RIT1: variants seen among roughly 807,000 people sequenced by gnomAD.
The protein encoded by RIT1 is Ras like without CAAX 1, also known as GTP-binding protein Rit1.
A neutral mutation model predicts 25.6 loss-of-function variants in RIT1; 6 were observed. The ratio of observed to expected loss-of-function variants is 0.23; its 90% CI spans 0.13 to 0.46. The LOEUF (loss-of-function observed/expected upper bound fraction) is 0.46, where lower values mean the gene tolerates loss of function less well. Among genes scored for constraint, RIT1 ranks in the 20% least tolerant of loss-of-function variants. The pLI, the probability that RIT1 is intolerant of heterozygous loss-of-function variation, is 0.99. For synonymous variants in RIT1, 81 were observed against 94.1 expected (o/e 0.86, Z 0.80); for missense variants, 219 against 284.4 (o/e 0.77, Z 1.65).
At chr1:155,911,166 GC>G (rs1673591774) in intron 1 of RIT1, 76 bp downstream of exon 1, 2 of 505,152 alleles carry the variant, frequency 4.0e-6, no homozygotes, top group South Asian at 2.4e-5. Flanking sequence ...CAGAGGTTCC[GC>G]CCCCTCCCCA....
rs1180329053 is a variant in RIT1 at position 155,898,535 on chromosome 1, A to C, written c.*1853T>G. 7.8e-6 allele frequency: 1 copy of C among 127,818 alleles called. No homozygotes were observed. Among genetic ancestry groups the C allele is most frequent in the East Asian group, 2.7e-4 (1 of 3,658 alleles). 7.9% of individuals were successfully genotyped at this position (127,818 alleles called of 1,614,324 possible). A position where few individuals can be genotyped will look rare whatever the true frequency, so the allele number is the denominator to read the frequency against. ...AAAAAAAAAATATATATATATATAT[A>C]TATATATATCTCTTAATGTTAATAA... On this transcript the variant is annotated 3_prime_UTR_variant, in exon 6 of 6. Coordinates refer to ENST00000368323, the MANE Select transcript of RIT1 (RefSeq NM_006912.6).
chr1:155,900,158 T>C lies in RIT1; in HGVS notation c.*230A>G, dbSNP rs1044469862. 15 of 508,132 alleles carry C rather than the reference T, an allele frequency of 3.0e-5. No individual in the cohort carries two copies. The highest frequency in any genetic ancestry group is 2.7e-4 in the African/African-American group (14 of 52,402). 31.5% of individuals were successfully genotyped at this position (508,132 alleles called of 1,614,324 possible). On this transcript the variant is annotated 3_prime_UTR_variant, in exon 6 of 6. Transcript: ENST00000368323. ...AGCGCAACAGAACCCAAAACATTGG[T>C]AGAACAAATTCTAATGTGACAATTT...
chr1:155,910,429 A>G (rs757469760), intron 3 of RIT1, 21 bp downstream of exon 3: 17 of 1,600,372 alleles, frequency 1.1e-5, no homozygotes, highest in Middle Eastern at 1.6e-4. Context: ...ATTTGGAAAC[A>G]TAAGTGATGA....
Position 155,910,817 on chromosome 1 carries a change from G to A in RIT1, c.-43-13C>T, listed in dbSNP as rs1175330313. 3 of 1,613,908 alleles carry A rather than the reference G, an allele frequency of 1.9e-6. No individual in the cohort carries two copies. Among genetic ancestry groups the A allele is most frequent in the Non-Finnish European group, 2.5e-6 (3 of 1,179,888 alleles). ...GAGGAAAAGCCACCTAGAAAAGGAG[G>A]AGGAAATGCTTAATCCAGGATGGAG... On this transcript the variant is annotated splice_polypyrimidine_tract_variant and intron_variant, in intron 1 of 5. Transcript: ENST00000368323.
chr1:155,900,395 AC>A lies in RIT1; in HGVS notation c.652del (p.Val218Ter). On this transcript the variant is annotated frameshift_variant, in exon 6 of 6. Coordinates refer to ENST00000368323, the MANE Select transcript of RIT1 (RefSeq NM_006912.6). LOFTEE classifies it high-confidence loss of function. ...KSPFRKKKDSVT is the reference protein window; with the variant it reads ...KSPFRKKKDSXT Reference sequence around the variant, plus strand: ...ACACTTCACATCTTCTCTTCAAGTTACTGAATCTTTCTTCTTCCGGAATGGT... The same window carrying A: ...ACACTTCACATCTTCTCTTCAAGTTATGAATCTTTCTTCTTCCGGAATGGT... 1.2e-6 allele frequency: 2 copies of A among 1,612,386 alleles called. No individual in the cohort carries two copies. Among genetic ancestry groups the A allele is most frequent in the South Asian group, 2.2e-5 (2 of 91,042 alleles).
Position 155,910,968 on chromosome 1 carries a change from C to CCA in RIT1, c.-43-165_-43-164insTG, listed in dbSNP as rs1324568454. 6 of 1,389,168 alleles carry CCA rather than the reference C, an allele frequency of 4.3e-6. No homozygotes were observed. The Admixed American group carries it at 1.6e-4, about 36-fold the overall frequency. The allele number at this position is 1,389,168 out of a possible 1,614,324, so 86.1% of individuals were successfully genotyped here. A position where few individuals can be genotyped will look rare whatever the true frequency, so the allele number is the denominator to read the frequency against. On this transcript the variant is annotated intron_variant, in intron 1 of 5. Transcript: ENST00000368323. ...CTTTCGGGTGGCCCTAAGAAACCCC[C>CCA]CCATCTTCACCCTCCCTCCTAGACA...
chr1:155,900,626 G>A lies in RIT1; in HGVS notation c.430-8C>T. 1 of 1,608,562 alleles carries A rather than the reference G, an allele frequency of 6.2e-7. No individual in the cohort carries two copies. The highest frequency in any genetic ancestry group is 1.1e-5 in the South Asian group (1 of 90,704). ...TCCTTCTTCCTTGGTGACCTTTAAG[G>A]GCAAAATGTGAGAAAAGATAACAGT... On this transcript the variant is annotated splice_region_variant and splice_polypyrimidine_tract_variant and intron_variant, in intron 5 of 5. Transcript: ENST00000368323.
intron 1 of RIT1, 197 bp from the exon 2 acceptor site, chr1:155,911,001 C>A: frequency 1.7e-6 from 2 of 1,178,808 alleles, no homozygotes; most frequent in South Asian, 2.7e-5. Flanking sequence ...ACAGTTCAGT[C>A]ACATGACACA....
rs1557956996 is a variant in RIT1, at chr1:155,898,518, A to AAAAATAT, written c.*1869_*1870insATATTTT. On this transcript the variant is annotated 3_prime_UTR_variant, in exon 6 of 6. Coordinates refer to ENST00000368323, the MANE Select transcript of RIT1 (RefSeq NM_006912.6). The stretch of plus-strand genomic sequence containing the variant: ...AAAAAAAAAAAAAAAAAAAAAAAAA[A>AAAAATAT]ATATATATATATATATATATATATA... 1 of 40,762 alleles carries AAAAATAT rather than the reference A, an allele frequency of 2.5e-5. No homozygotes were observed. Among genetic ancestry groups the AAAAATAT allele is most frequent in the African/African-American group, 7.6e-5 (1 of 13,120 alleles). The allele number at this position is 40,762 out of a possible 1,614,324, so 2.5% of individuals were successfully genotyped here. A position where few individuals can be genotyped will look rare whatever the true frequency, so the allele number is the denominator to read the frequency against.
At chr1:155,910,851 G>A in intron 1 of RIT1, 47 bp from the exon 2 acceptor site, 1 of 1,603,888 alleles carries the variant, frequency 6.2e-7, no homozygotes. Context: ...AGACACCACG[G>A]CGACAGCCCT....
chr1:155,901,041 C>G (rs1673302426), intron 5 of RIT1, among the ~76,000 whole-genome samples: 1 of 152,162 alleles, frequency 6.6e-6, no homozygotes, highest in Non-Finnish European at 1.5e-5. Flanking sequence ...TTGTAAACTC[C>G]TGACCTCAGG....
At chr1:155,909,114 G>T (rs901547304) in intron 3 of RIT1, among the ~76,000 whole-genome samples, 8 of 151,874 alleles carry the variant, frequency 5.3e-5, no homozygotes, top group Admixed American at 5.3e-4. Flanking sequence ...CAGTGGTCAC[G>T]CCTGTAATCC....
At position 155,901,617 on chromosome 1, in the gene RIT1, A is replaced by T. The variant is rs372535175; in HGVS notation, c.430-999T>A. On this transcript the variant is annotated intron_variant, in intron 5 of 5. Coordinates refer to ENST00000368323, the MANE Select transcript of RIT1 (RefSeq NM_006912.6). ...CGCGGCACTGCACTCCAGGTGTCACACTCCAGCCTGGGTGACAGAGCCAGA... is the reference window on the plus strand; with the variant it reads ...CGCGGCACTGCACTCCAGGTGTCACTCTCCAGCCTGGGTGACAGAGCCAGA... Among the ~76,000 whole-genome samples, 4 of 151,970 alleles carry T rather than the reference A, an allele frequency of 2.6e-5. No homozygotes were observed. The East Asian group carries it at 7.7e-4, about 29-fold the overall frequency.
intron 1 of RIT1, 137 bp from the exon 2 acceptor site, chr1:155,910,941 C>A (rs1673584312): frequency 7.3e-6 from 11 of 1,516,012 alleles, no homozygotes; most frequent in Non-Finnish European, 8.8e-6. Context: ...CACCACTGCA[C>A]CCTTTCGGGT....
intron 3 of RIT1, among the ~76,000 whole-genome samples, chr1:155,905,891 G>A (rs1673427613): frequency 1.3e-5 from 2 of 151,196 alleles, no homozygotes; most frequent in South Asian, 4.2e-4. Context: ...GCAGTGGCAT[G>A]ATCTCGGCTC....
Position 155,900,385 on chromosome 1 carries a change from T to C in RIT1, c.*3A>G. On this transcript the variant is annotated 3_prime_UTR_variant, in exon 6 of 6. Coordinates refer to ENST00000368323, the MANE Select transcript of RIT1 (RefSeq NM_006912.6). ...TCACAGATAAACACTTCACATCTTCTCTTCAAGTTACTGAATCTTTCTTCT... is the reference window on the plus strand; with the variant it reads ...TCACAGATAAACACTTCACATCTTCCCTTCAAGTTACTGAATCTTTCTTCT... The C allele has an allele frequency of 6.2e-7, 1 of 1,608,718 alleles. No homozygotes were observed.
chr1:155,901,488 A>ACTAG (rs1165748417), intron 5 of RIT1, among the ~76,000 whole-genome samples: 1 of 151,934 alleles, frequency 6.6e-6, no homozygotes, highest in African/African-American at 2.4e-5. Context: ...CTTAAAAAAA[A>ACTAG]CTAGCTGGGC....
At position 155,908,858 on chromosome 1, in the gene RIT1, T is replaced by C. The variant is rs553099179; in HGVS notation, c.163+1592A>G. On this transcript the variant is annotated intron_variant, in intron 3 of 5. Coordinates refer to ENST00000368323, the MANE Select transcript of RIT1 (RefSeq NM_006912.6). ...GATTACAGGCATGAGCCACCGCGCC[T>C]GGCCTGAATCTCTGAACAGTGTTCT... Among the ~76,000 whole-genome samples the C allele has an allele frequency of 2.5e-3, 383 of 151,950 alleles. 1 individual carries two copies. The highest frequency in any genetic ancestry group is 2.2e-3 in the Non-Finnish European group (151 of 67,948).
chr1:155,904,212 G>T, intron 5 of RIT1, 99 bp downstream of exon 5: 1 of 951,626 alleles, frequency 1.1e-6, no homozygotes, highest in Non-Finnish European at 1.6e-6. Flanking sequence ...CTATTTTAAG[G>T]CAAAAAAATC....
Sources: allele counts gnomAD v4.1 joint callset (sites outside exome capture counted in the v4.1 genomes callset), GRCh38; gene constraint gnomAD v4.1.1; transcripts MANE v1.5; gene names NCBI Gene and HGNC (gene_info 2026-07-23, HGNC 2026-07-21).